Variants in CD2AP observed in about 807,000 individuals in gnomAD.
CD2AP encodes CD2-associated protein.
In CD2AP, 46 loss-of-function variants were observed where a neutral mutation model predicts 85.1. The ratio of observed to expected loss-of-function variants is 0.54; its 90% CI spans 0.43 to 0.69. CD2AP has a LOEUF of 0.69. Ranked by LOEUF, CD2AP falls within the 30% of genes least tolerant of loss-of-function variation. The pLI is 0.00. For synonymous variants in CD2AP, 255 were observed against 252.9 expected, an observed-to-expected ratio of 1.01 and a Z score of -0.08; for missense variants, 769 against 729.5, an observed-to-expected ratio of 1.05 and a Z score of -0.62.
intron 2 of CD2AP, among the ~76,000 whole-genome samples, chr6:47,531,825 C>T (rs976884719): frequency 6.6e-6 from 1 of 152,050 alleles, no homozygotes; most frequent in Non-Finnish European, 1.5e-5. Flanking sequence ...GTAATCCCAG[C>T]ACTTTGGGAG....
intron 4 of CD2AP, among the ~76,000 whole-genome samples, chr6:47,550,952 T>A (rs1767502800): frequency 6.6e-6 from 1 of 152,200 alleles, no homozygotes. Context: ...AAACATCATA[T>A]GTTCTCACTT....
rs375080675 is a variant in CD2AP at position 47,503,447 on chromosome 6, A to C, written c.165+7A>C. ...CCCTGACAATTTCGTTAAGGTAAGT[A>C]TTTTCAGTTAAATTTCTAGCTCTTG... On this transcript the variant is annotated splice_region_variant and intron_variant, in intron 2 of 17. Transcript: ENST00000359314. 4 of 1,611,184 alleles carry C rather than the reference A, an allele frequency of 2.5e-6. No individual in the cohort carries two copies. The highest frequency in any genetic ancestry group is 3.4e-6 in the Non-Finnish European group (4 of 1,177,418).
chr6:47,614,043 C>A (rs560352249), intron 17 of CD2AP, among the ~76,000 whole-genome samples: 1 of 152,324 alleles, frequency 6.6e-6, no homozygotes, highest in South Asian at 2.1e-4. Flanking sequence ...GTTAGGGCCT[C>A]ACTCTGGATT....
chr6:47,588,524 G>A (rs1768690859), intron 11 of CD2AP, among the ~76,000 whole-genome samples: 1 of 152,114 alleles, frequency 6.6e-6, no homozygotes, highest in South Asian at 2.1e-4. Context: ...GATAATGGTG[G>A]TGTGGATAGT....
intron 5 of CD2AP, among the ~76,000 whole-genome samples, chr6:47,572,367 A>G (rs978962044): frequency 7.2e-5 from 11 of 152,210 alleles, no homozygotes; most frequent in Non-Finnish European, 1.5e-4. Flanking sequence ...TGAAATGCAT[A>G]TTTAAAACGG....
chr6:47,619,812 G>A (rs373589026), intron 17 of CD2AP, among the ~76,000 whole-genome samples: 177 of 152,246 alleles, frequency 1.2e-3, no homozygotes, highest in African/African-American at 4.1e-3. Flanking sequence ...ACATTTCCCC[G>A]ATCATTAGTG....
chr6:47,578,131 T>A (rs1768363399), intron 8 of CD2AP, among the ~76,000 whole-genome samples: 1 of 152,120 alleles, frequency 6.6e-6, no homozygotes, highest in South Asian at 2.1e-4. Flanking sequence ...TTGCACTGAT[T>A]ACACCTAATT....
intron 4 of CD2AP, among the ~76,000 whole-genome samples, chr6:47,545,477 C>T (rs1193482588): frequency 6.6e-6 from 1 of 152,174 alleles, no homozygotes; most frequent in Non-Finnish European, 1.5e-5. Context: ...CAGCCTATCA[C>T]CTGTTCCTCC....
chr6:47,505,011 C>CTGT (rs1766095549), intron 2 of CD2AP, among the ~76,000 whole-genome samples: 1 of 95,138 alleles, frequency 1.1e-5, no homozygotes, highest in Non-Finnish European at 1.9e-5. Context: ...GTGGCAGTTT[C>CTGT]TTTTTTTTTT....
intron 5 of CD2AP, among the ~76,000 whole-genome samples, chr6:47,556,483 G>T (rs1767695692): frequency 6.6e-6 from 1 of 151,930 alleles, no homozygotes; most frequent in Non-Finnish European, 1.5e-5. Flanking sequence ...AAGCAGTTGG[G>T]ATTACAGGCA....
At chr6:47,563,587 T>G (rs559170846) in intron 5 of CD2AP, among the ~76,000 whole-genome samples, 1 of 152,268 alleles carries the variant, frequency 6.6e-6, no homozygotes, top group East Asian at 1.9e-4. Flanking sequence ...GCACCAAACA[T>G]TTGTGTACAG....
In CD2AP at chr6:47,499,568, C is replaced by G. The variant is rs577524061; in HGVS notation, c.5-3712C>G. Among the ~76,000 whole-genome samples the G allele has an allele frequency of 2.7e-4, 41 of 152,224 alleles. No individual in the cohort carries two copies. In the East Asian group the frequency reaches 6.8e-3, roughly 25 times the overall value. On this transcript the variant is annotated intron_variant, in intron 1 of 17. Coordinates refer to ENST00000359314, the MANE Select transcript of CD2AP (RefSeq NM_012120.3). ...AGTCTTCCTGCATGTAACCATTCTC[C>G]CATCTCTGTTGTTACTCCCCACCCT...
intron 2 of CD2AP, among the ~76,000 whole-genome samples, chr6:47,518,676 C>T (rs967292344): frequency 2.6e-5 from 4 of 152,126 alleles, no homozygotes; most frequent in African/African-American, 9.7e-5. Flanking sequence ...AGTGGGATTG[C>T]TGGGGTATAT....
At chr6:47,578,252 G>T (rs568701765) in intron 8 of CD2AP, among the ~76,000 whole-genome samples, 2 of 152,164 alleles carry the variant, frequency 1.3e-5, no homozygotes, top group African/African-American at 4.8e-5. Context: ...CCAGGCTGGC[G>T]TGCAGTGGTG....
chr6:47,533,607 TAA>T lies in CD2AP; in HGVS notation c.174_175del (p.Glu60AspfsTer6), dbSNP rs1206219295. 1 of 1,613,734 alleles carries T rather than the reference TAA, an allele frequency of 6.2e-7. No homozygotes were observed. The highest frequency in any genetic ancestry group is 1.1e-5 in the South Asian group (1 of 91,012). ...ATTTATTTTCCCTTTTGTAGGAAAT[TAA>T]AAGAGAGACGGAATTCAAGGATGAC... ...MFPDNFVKEI[K>X]RETEFKDDSL... On this transcript the variant is annotated frameshift_variant, in exon 3 of 18. Transcript: ENST00000359314. LOFTEE classifies it high-confidence loss of function.
chr6:47,521,787 G>A (rs752830445), intron 2 of CD2AP, among the ~76,000 whole-genome samples: 7 of 151,922 alleles, frequency 4.6e-5, no homozygotes, highest in Non-Finnish European at 1.0e-4. Context: ...AGGCTGAGGC[G>A]GGCAGGTCAC....
At chr6:47,599,504 AAGAG>A in intron 13 of CD2AP, 61 bp downstream of exon 13, 1 of 1,424,118 alleles carries the variant, frequency 7.0e-7, no homozygotes. Context: ...GAAACTCTTT[AAGAG>A]ATATATTTAT....
chr6:47,560,197 A>T (rs1767816714), intron 5 of CD2AP, among the ~76,000 whole-genome samples: 1 of 152,052 alleles, frequency 6.6e-6, no homozygotes, highest in African/African-American at 2.4e-5. Context: ...TTGCTAACTT[A>T]TCATTCACCT....
intron 17 of CD2AP, among the ~76,000 whole-genome samples, chr6:47,614,160 A>G (rs531784655): frequency 1.3e-5 from 2 of 152,308 alleles, no homozygotes; most frequent in South Asian, 2.1e-4. Context: ...TATTATTCAT[A>G]TGTTCACTGC....
Sources: gnomAD v4.1 joint callset for allele counts (sites outside exome capture counted in the v4.1 genomes callset) on GRCh38, gnomAD v4.1.1 for gene constraint, MANE v1.5 for transcripts, NCBI Gene and HGNC (gene_info 2026-07-23, HGNC 2026-07-21) for gene names.